The following TOP6BL variants were observed in gnomAD, a reference collection of about 807,000 sequenced individuals.
TOP6BL encodes TOP6B like initiator of meiotic double strand breaks.
At chr11:66,801,517 C>G in the TOP6BL span, among the ~76,000 whole-genome samples, 1 of 152,150 alleles carries the variant, frequency 6.6e-6, no homozygotes, top group Admixed American at 6.5e-5. Context: ...TCTCTCTGCC[C>G]ATCTCCATCT....
At chr11:66,790,542 C>T in the TOP6BL span, among the ~76,000 whole-genome samples, 1 of 152,122 alleles carries the variant, frequency 6.6e-6, no homozygotes, top group Non-Finnish European at 1.5e-5. Context: ...GATAAAGTTT[C>T]TCTTATTTCT....
At chr11:66,798,355 T>G in the TOP6BL span, among the ~76,000 whole-genome samples, 1 of 151,990 alleles carries the variant, frequency 6.6e-6, no homozygotes, top group Admixed American at 6.6e-5. Flanking sequence ...ATCCCAGCAC[T>G]TTGGGAGGCC....
the TOP6BL span, chr11:66,843,357 C>CGGCCCGGGCGGGGCG: frequency 6.2e-6 from 9 of 1,455,266 alleles, no homozygotes; most frequent in Admixed American, 7.7e-5. Flanking sequence ...GCGTCGGGCC[C>CGGCCCGGGCGGGGCG]GGGCGGGGCG....
At chr11:66,812,246 G>C in the TOP6BL span, among the ~76,000 whole-genome samples, 4 of 144,972 alleles carry the variant, frequency 2.8e-5, no homozygotes, top group Non-Finnish European at 5.9e-5. Flanking sequence ...GCGCAATCTC[G>C]GCTCACTGTA....
chr11:66,811,280 C>A, the TOP6BL span, among the ~76,000 whole-genome samples: 1 of 152,112 alleles, frequency 6.6e-6, no homozygotes, highest in Non-Finnish European at 1.5e-5. Flanking sequence ...CAATCAGGCC[C>A]CTGAAATGAT....
chr11:66,786,055 T>C, the TOP6BL span, among the ~76,000 whole-genome samples: 1 of 152,194 alleles, frequency 6.6e-6, no homozygotes, highest in Non-Finnish European at 1.5e-5. Context: ...TCCCAGCACT[T>C]TGGGAGGCCA....
chr11:66,783,879 G>A, the TOP6BL span, among the ~76,000 whole-genome samples: 1,667 of 152,276 alleles, frequency 0.011, 37 homozygotes, highest in African/African-American at 0.037. Flanking sequence ...AGGCAGGAGT[G>A]CAGTGGCGTG....
the TOP6BL span, among the ~76,000 whole-genome samples, chr11:66,805,210 G>A: frequency 2.0e-5 from 3 of 152,200 alleles, no homozygotes; most frequent in East Asian, 1.9e-4. Flanking sequence ...CTCTAGCCTC[G>A]GTGACAGAGC....
chr11:66,801,299 C>A, the TOP6BL span: 4 of 592,876 alleles, frequency 6.7e-6, no homozygotes, highest in Non-Finnish European at 1.2e-5. Flanking sequence ...TGAATCTATT[C>A]TAAATGACCT....
the TOP6BL span, chr11:66,801,040 T>A: frequency 2.5e-6 from 4 of 1,613,898 alleles, no homozygotes; most frequent in South Asian, 4.4e-5. Flanking sequence ...GGGTGGAGAA[T>A]GAACCCACTT....
At chr11:66,753,481 A>C in the TOP6BL span, among the ~76,000 whole-genome samples, 24 of 144,188 alleles carry the variant, frequency 1.7e-4, no homozygotes, top group African/African-American at 4.9e-4. Context: ...ATCTCTGCTC[A>C]CTGCAAGCTC....
chr11:66,835,580 T>A, the TOP6BL span, among the ~76,000 whole-genome samples: 1 of 152,190 alleles, frequency 6.6e-6, no homozygotes, highest in African/African-American at 2.4e-5. Flanking sequence ...AGTTCCCCTC[T>A]CCCTTCAACC....
the TOP6BL span, among the ~76,000 whole-genome samples, chr11:66,746,754 C>A: frequency 0.011 from 1,627 of 151,666 alleles, 35 homozygotes; most frequent in African/African-American, 0.037. Context: ...CAGGCGGCTG[C>A]ACTTCCAGCT....
chr11:66,762,364 C>G, the TOP6BL span: 114 of 371,632 alleles, frequency 3.1e-4, 1 homozygote, highest in South Asian at 2.7e-3. Flanking sequence ...CGCAGAAGCC[C>G]AGCATATGGG....
chr11:66,772,107 A>G, the TOP6BL span, among the ~76,000 whole-genome samples: 1 of 152,034 alleles, frequency 6.6e-6, no homozygotes, highest in Non-Finnish European at 1.5e-5. Context: ...ATTGATTCCA[A>G]CCCTTATGGA....
the TOP6BL span, among the ~76,000 whole-genome samples, chr11:66,798,715 T>G: frequency 1.3e-5 from 2 of 151,896 alleles, no homozygotes; most frequent in Non-Finnish European, 2.9e-5. Flanking sequence ...GCTCAATATA[T>G]TTAAGATTTA....
At chr11:66,777,470 T>C in the TOP6BL span, among the ~76,000 whole-genome samples, 1 of 152,194 alleles carries the variant, frequency 6.6e-6, no homozygotes, top group African/African-American at 2.4e-5. Context: ...TGCTAATTAA[T>C]ATCACTGGAA....
At chr11:66,787,551 C>CAA in the TOP6BL span, among the ~76,000 whole-genome samples, 6 of 92,102 alleles carry the variant, frequency 6.5e-5, no homozygotes, top group South Asian at 7.9e-4. Flanking sequence ...ATTAAAAATA[C>CAA]AAAAAAAAAA....
At chr11:66,790,333 G>A in the TOP6BL span, among the ~76,000 whole-genome samples, 1 of 152,082 alleles carries the variant, frequency 6.6e-6, no homozygotes, top group African/African-American at 2.4e-5. Flanking sequence ...AGATCAAGAA[G>A]TAAACACGTA....
Sources: allele counts gnomAD v4.1 joint callset (sites outside exome capture counted in the v4.1 genomes callset), GRCh38; gene constraint gnomAD v4.1.1; transcripts MANE v1.5; gene names NCBI Gene and HGNC (gene_info 2026-07-23, HGNC 2026-07-21).